The following POLDIP3 variants were observed in gnomAD, a reference collection of about 807,000 sequenced individuals.
POLDIP3 encodes DNA polymerase delta interacting protein 3.
POLDIP3 carries 14 observed loss-of-function variants against 45.1 expected under a neutral mutation model. The observed-to-expected ratio is 0.31, with a 90% CI of 0.20 to 0.49. The LOEUF (loss-of-function observed/expected upper bound fraction) is 0.49, where lower values mean the gene tolerates loss of function less well. Ranked by LOEUF, POLDIP3 falls within the 20% of genes least tolerant of loss-of-function variation. The pLI, the probability that POLDIP3 is intolerant of heterozygous loss-of-function variation, is 0.99. For synonymous variants in POLDIP3, 223 were observed against 205.2 expected (o/e 1.09, Z -0.74); for missense variants, 511 against 538.8 (o/e 0.95, Z 0.51).
chr22:42,585,439 G>A lies in POLDIP3; in HGVS notation c.*352C>T, dbSNP rs944212616. ...GCAGGGTCCTTCAGACAGCCCCCAC[G>A]CTGCATCCCATGGGGCCACAAGAAA... On this transcript the variant is annotated 3_prime_UTR_variant, in exon 9 of 9. Coordinates refer to ENST00000252115, the MANE Select transcript of POLDIP3 (RefSeq NM_032311.5). The A allele has an allele frequency of 2.4e-4, 88 of 359,744 alleles. No individual in the cohort carries two copies. Among genetic ancestry groups the A allele is most frequent in the Non-Finnish European group, 4.3e-4 (80 of 184,116 alleles). The allele number at this position is 359,744 out of a possible 1,614,324, so 22.3% of individuals were successfully genotyped here. A position where few individuals can be genotyped will look rare whatever the true frequency, so the allele number is the denominator to read the frequency against.
At chr22:42,588,267 A>G (rs1925439070) in intron 7 of POLDIP3, among the ~76,000 whole-genome samples, 1 of 152,080 alleles carries the variant, frequency 6.6e-6, no homozygotes. Flanking sequence ...CATCCTGGCT[A>G]ACATGGTGAA....
rs577290210 is a variant in POLDIP3 at position 42,603,838 on chromosome 22, C to T, written c.60-678G>A. Among the ~76,000 whole-genome samples, 11 of 152,234 alleles carry T rather than the reference C, an allele frequency of 7.2e-5. No individual in the cohort carries two copies. The East Asian group carries it at 1.5e-3, about 21-fold the overall frequency. Reference sequence around the variant, plus strand: ...ATTGGAAATGATCGGGTACAGGGTTCGCTATTTGGGTAATGGGTACACTAG... The same window carrying T: ...ATTGGAAATGATCGGGTACAGGGTTTGCTATTTGGGTAATGGGTACACTAG... On this transcript the variant is annotated intron_variant, in intron 1 of 8. Transcript: ENST00000252115.
At chr22:42,595,502 T>TG in intron 6 of POLDIP3, 35 bp downstream of exon 6, 1 of 1,516,366 alleles carries the variant, frequency 6.6e-7, no homozygotes. Flanking sequence ...AGAGGCAGTT[T>TG]GAGATTTAAA....
At chr22:42,607,868 C>T (rs1400039725) in intron 1 of POLDIP3, among the ~76,000 whole-genome samples, 3 of 150,010 alleles carry the variant, frequency 2.0e-5, no homozygotes, top group African/African-American at 4.9e-5. Context: ...GCCCCTCCGC[C>T]CAGCAGCCGC....
chr22:42,601,926 T>C lies in POLDIP3; in HGVS notation c.537+44A>G, dbSNP rs1186718507. 8 of 1,600,842 alleles carry C rather than the reference T, an allele frequency of 5.0e-6. No individual in the cohort carries two copies. The Middle Eastern group carries it at 1.3e-3, about 265-fold the overall frequency. ...CACGTGCACACCTACATGTTCGCTATGTACACACAGATTCTCTCTCTCTCT... is the reference window on the plus strand; with the variant it reads ...CACGTGCACACCTACATGTTCGCTACGTACACACAGATTCTCTCTCTCTCT... On this transcript the variant is annotated intron_variant, in intron 3 of 8. Transcript: ENST00000252115.
rs575833993 is a variant in POLDIP3, at chr22:42,607,222, C to CTGCCTCA, written c.60-4069_60-4063dup. 5.2e-5 allele frequency among the ~76,000 whole-genome samples: 8 copies of CTGCCTCA among 152,382 alleles called. No homozygotes were observed. The East Asian group carries it at 1.5e-3, about 29-fold the overall frequency. ...ACTGCAGCCTCCCTGCCTGATTCTC[C>CTGCCTCA]TGCCTCAGCCTGCCGAGTGCCTGGG... On this transcript the variant is annotated intron_variant, in intron 1 of 8. Transcript: ENST00000252115.
At position 42,585,608 on chromosome 22, in the gene POLDIP3, A is replaced by C. The variant is rs1019498482; in HGVS notation, c.*183T>G. 2 of 668,962 alleles carry C rather than the reference A, an allele frequency of 3.0e-6. No individual in the cohort carries two copies. Among genetic ancestry groups the C allele is most frequent in the African/African-American group, 3.6e-5 (2 of 55,006 alleles). 41.4% of individuals were successfully genotyped at this position (668,962 alleles called of 1,614,324 possible). ...TACAGGAAACGTTAACGTAGAGAGA[A>C]GAGCACAGGGCAGAACACAACACAG... On this transcript the variant is annotated 3_prime_UTR_variant, in exon 9 of 9. Coordinates refer to ENST00000252115, the MANE Select transcript of POLDIP3 (RefSeq NM_032311.5).
At chr22:42,590,705 G>A in intron 7 of POLDIP3, among the ~76,000 whole-genome samples, 1 of 152,172 alleles carries the variant, frequency 6.6e-6, no homozygotes, top group East Asian at 1.9e-4. Flanking sequence ...TATCTGATAA[G>A]GGACTTAAGA....
chr22:42,596,465 G>A lies in POLDIP3; in HGVS notation c.634-100C>T, dbSNP rs1322832199. 6.1e-6 allele frequency: 7 copies of A among 1,147,998 alleles called. No individual in the cohort carries two copies. The Admixed American group carries it at 1.3e-4, about 21-fold the overall frequency. 71.1% of individuals were successfully genotyped at this position (1,147,998 alleles called of 1,614,324 possible). A position where few individuals can be genotyped will look rare whatever the true frequency, so the allele number is the denominator to read the frequency against. On this transcript the variant is annotated intron_variant, in intron 4 of 8. Coordinates refer to ENST00000252115, the MANE Select transcript of POLDIP3 (RefSeq NM_032311.5). ...CTTGCTGAGAGCATGAACCCTCGAT[G>A]CCTCCCAGCTCTCTAATTCTATTAG...
chr22:42,595,648 G>A, intron 5 of POLDIP3, 34 bp from the exon 6 acceptor site: 2 of 1,589,974 alleles, frequency 1.3e-6, no homozygotes, highest in Non-Finnish European at 1.7e-6. Flanking sequence ...CCAGAAGCCA[G>A]ATGGCTGATA....
chr22:42,612,395 T>A (rs932824464), intron 1 of POLDIP3, among the ~76,000 whole-genome samples: 1 of 152,250 alleles, frequency 6.6e-6, no homozygotes, highest in East Asian at 1.9e-4. Context: ...GAAGCAGGGA[T>A]TGGAAGCTTG....
chr22:42,584,515 C>T lies in POLDIP3; in HGVS notation c.*1276G>A, dbSNP rs1925173395. 4.9e-6 allele frequency: 1 copy of T among 202,964 alleles called. No individual in the cohort carries two copies. The highest frequency in any genetic ancestry group is 1.0e-5 in the Non-Finnish European group (1 of 98,276). The allele number at this position is 202,964 out of a possible 1,614,324, so 12.6% of individuals were successfully genotyped here. ...ATTTTGCAGAGCTCCCAGAACCGTG[C>T]TCCCCAACTGGCTCCAGCTCTGCCA... On this transcript the variant is annotated 3_prime_UTR_variant, in exon 9 of 9. Coordinates refer to ENST00000252115, the MANE Select transcript of POLDIP3 (RefSeq NM_032311.5).
intron 2 of POLDIP3, 81 bp downstream of exon 2, chr22:42,602,689 C>A: frequency 6.8e-7 from 1 of 1,470,712 alleles, no homozygotes; most frequent in South Asian, 1.3e-5. Context: ...GTATTTTTGC[C>A]CAGTCACTCC....
chr22:42,585,904 A>T lies in POLDIP3; in HGVS notation c.1153T>A (p.Ser385Thr). 6.2e-7 allele frequency: 1 copy of T among 1,613,438 alleles called. No individual in the cohort carries two copies. The highest frequency in any genetic ancestry group is 8.5e-7 in the Non-Finnish European group (1 of 1,179,954). Residue 385 changes from serine (S) to threonine (T), a missense_variant, in exon 9 of 9, where the codon TCC becomes ACC. Physicochemically the swap from Ser to Thr is moderately conservative, Grantham distance 58 (BLOSUM62 1). Coordinates refer to ENST00000252115, the MANE Select transcript of POLDIP3 (RefSeq NM_032311.5). ...SELPRRVNSA[S>T]SSNPPAEVDP... Reference sequence around the variant, plus strand: ...ACTTCGGCAGGGGGGTTGGAGGAGGAGGCAGAGTTCACCCTGCGAGGCAGC... The same window carrying T: ...ACTTCGGCAGGGGGGTTGGAGGAGGTGGCAGAGTTCACCCTGCGAGGCAGC...
intron 1 of POLDIP3, among the ~76,000 whole-genome samples, chr22:42,613,104 C>T (rs181104919): frequency 2.5e-4 from 38 of 152,282 alleles, no homozygotes; most frequent in African/African-American, 7.5e-4. Flanking sequence ...TGCAGTCCAC[C>T]TGCAGTCAGA....
chr22:42,597,448 T>A (rs976901433), intron 4 of POLDIP3, among the ~76,000 whole-genome samples: 2 of 152,164 alleles, frequency 1.3e-5, no homozygotes, highest in African/African-American at 4.8e-5. Flanking sequence ...GACAGCACAG[T>A]GACTCCACAC....
At chr22:42,609,120 G>A (rs1048369802) in intron 1 of POLDIP3, among the ~76,000 whole-genome samples, 14 of 152,132 alleles carry the variant, frequency 9.2e-5, no homozygotes, top group African/African-American at 3.4e-4. Flanking sequence ...AACTGCTGGG[G>A]GCTCCTTTAC....
chr22:42,601,445 C>T (rs1569301643), intron 3 of POLDIP3, among the ~76,000 whole-genome samples: 3 of 151,440 alleles, frequency 2.0e-5, no homozygotes, highest in Non-Finnish European at 4.4e-5. Context: ...TCTCTGCCCC[C>T]TATGCCTCCC....
At chr22:42,597,772 CACG>C in intron 4 of POLDIP3, 2 of 449,046 alleles carry the variant, frequency 4.5e-6, no homozygotes, top group Non-Finnish European at 9.0e-6. Flanking sequence ...CATTCAGCTT[CACG>C]ACCTCTTTTT....
Sources: gnomAD v4.1 joint callset for allele counts (sites outside exome capture counted in the v4.1 genomes callset) on GRCh38, gnomAD v4.1.1 for gene constraint, MANE v1.5 for transcripts, NCBI Gene and HGNC (gene_info 2026-07-23, HGNC 2026-07-21) for gene names.